Variants in LRRC4B observed in about 807,000 individuals in gnomAD.
LRRC4B encodes leucine-rich repeat-containing protein 4B.
Under a neutral mutation model 7.3 loss-of-function variants are expected in LRRC4B, and 1 was observed. The observed-to-expected ratio is 0.14, with a 90% CI of 0.05 to 0.65. The LOEUF is 0.65. Ranked by LOEUF, LRRC4B falls within the 30% of genes least tolerant of loss-of-function variation. The pLI is 0.84. For synonymous variants in LRRC4B, 500 were observed against 499.2 expected, an observed-to-expected ratio of 1.00 and a Z score of -0.02; for missense variants, 730 against 1,041.6, an observed-to-expected ratio of 0.70 and a Z score of 4.12.
In LRRC4B at chr19:50,542,446, G is replaced by T. The variant is rs376593998; in HGVS notation, c.297+6096C>A. Reference sequence around the variant, plus strand: ...TCTCAAAAAACAGTGGTGGGGCCGGGGCAGGGCCTCAGAGAATTGCTGATT... The same window carrying T: ...TCTCAAAAAACAGTGGTGGGGCCGGTGCAGGGCCTCAGAGAATTGCTGATT... On this transcript the variant is annotated intron_variant, in intron 2 of 2. Transcript: ENST00000652263. Among the ~76,000 whole-genome samples, 26 of 152,276 alleles carry T rather than the reference G, an allele frequency of 1.7e-4. 1 individual carries two copies. In the South Asian group the frequency reaches 5.4e-3, roughly 32 times the overall value.
At chr19:50,565,158 T>C (rs8111195) in intron 1 of LRRC4B, among the ~76,000 whole-genome samples, 132,518 of 152,226 alleles carry the variant, frequency 0.87, 58,815 homozygotes, top group African/African-American at 0.97. Flanking sequence ...CACACGTGCC[T>C]CCGACGCTGG....
chr19:50,546,133 G>A (rs1453048187), intron 2 of LRRC4B, among the ~76,000 whole-genome samples: 1 of 151,858 alleles, frequency 6.6e-6, no homozygotes, highest in Non-Finnish European at 1.5e-5. Context: ...TCAGGAGTTC[G>A]AGACCAGCCT....
At chr19:50,543,698 C>A (rs1442885265) in intron 2 of LRRC4B, among the ~76,000 whole-genome samples, 2 of 147,390 alleles carry the variant, frequency 1.4e-5, no homozygotes, top group Admixed American at 1.3e-4. Flanking sequence ...CTAGGAAGTA[C>A]AAAAATTAGC....
chr19:50,567,886 C>G (rs1390594553), intron 1 of LRRC4B, 58 bp downstream of exon 1: 1 of 143,138 alleles, frequency 7.0e-6, no homozygotes, highest in Non-Finnish European at 1.5e-5. Context: ...CCCACCCACC[C>G]CCCGCGGTTC....
chr19:50,543,573 C>T (rs1223502952), intron 2 of LRRC4B, among the ~76,000 whole-genome samples: 5 of 152,052 alleles, frequency 3.3e-5, no homozygotes, highest in East Asian at 1.9e-4. Flanking sequence ...ATAAGGAGGC[C>T]GGGCGCGGTG....
In LRRC4B at chr19:50,541,140, C is replaced by T. The variant is rs147662050; in HGVS notation, c.297+7402G>A. Among the ~76,000 whole-genome samples the T allele has an allele frequency of 1.8e-3, 274 of 150,518 alleles. 2 individuals carry two copies. The highest frequency in any genetic ancestry group is 6.4e-3 in the African/African-American group (263 of 40,936). ...CGGAGCTTGCAGTGAGCCGAGATGG[C>T]GCTACTGCACTCCAGCCTGGGCGAA... On this transcript the variant is annotated intron_variant, in intron 2 of 2. Coordinates refer to ENST00000652263, the MANE Select transcript of LRRC4B (RefSeq NM_001080457.2).
At position 50,556,143 on chromosome 19, in the gene LRRC4B, C is replaced by T. The variant is rs1016718903; in HGVS notation, c.-35-7270G>A. Among the ~76,000 whole-genome samples, 1 of 152,100 alleles carries T rather than the reference C, an allele frequency of 6.6e-6. No individual in the cohort carries two copies. Among genetic ancestry groups the T allele is most frequent in the Non-Finnish European group, 1.5e-5 (1 of 67,988 alleles). On this transcript the variant is annotated intron_variant, in intron 1 of 2. Coordinates refer to ENST00000652263, the MANE Select transcript of LRRC4B (RefSeq NM_001080457.2). This position sits in a 1 kb window ranked among gnomAD's most constrained non-coding sequence, Gnocchi z 4.2. ...CTTAGGGAAAGGGCAGTCCAGGCCC[C>T]CTAGGAGCTGCTGATGAGGAAGCAG...
At chr19:50,543,555 A>T (rs573517361) in intron 2 of LRRC4B, among the ~76,000 whole-genome samples, 45 of 152,076 alleles carry the variant, frequency 3.0e-4, no homozygotes, top group Non-Finnish European at 5.3e-4. Flanking sequence ...TCAACTCAGA[A>T]ATTGGAAATA....
rs768569622 is a variant in LRRC4B at position 50,519,406 on chromosome 19, T to C, written c.307A>G (p.Thr103Ala). 1 of 1,594,544 alleles carries C rather than the reference T, an allele frequency of 6.3e-7. No homozygotes were observed. The highest frequency in any genetic ancestry group is 8.5e-7 in the Non-Finnish European group (1 of 1,173,688). ...TGCCGCAGGTGCTTGAACGTGTCCG[T>C]CCGGATCACCTGGGGAGAGGGAGAC... ...LQENGIQVIR[T>A]DTFKHLRHLE... Residue 103 changes from threonine (T) to alanine (A), a missense_variant, in exon 3 of 3, where the codon ACG becomes GCG. This residue lies in a region of LRRC4B where 143 missense variants were observed against 158.4 expected (regional missense o/e 0.90). Transcript: ENST00000652263. The surrounding 1 kb of genome is among the most constrained non-coding windows in gnomAD (Gnocchi z 8.1).
intron 2 of LRRC4B, among the ~76,000 whole-genome samples, chr19:50,533,798 T>TG (rs1417290597): frequency 6.6e-6 from 1 of 152,222 alleles, no homozygotes; most frequent in Non-Finnish European, 1.5e-5. Context: ...CACATACCCC[T>TG]GCTCCCTTCA....
chr19:50,530,719 C>T (rs537656690), intron 2 of LRRC4B, among the ~76,000 whole-genome samples: 6 of 151,794 alleles, frequency 4.0e-5, no homozygotes, highest in East Asian at 1.9e-4. Flanking sequence ...TTGCAGGGCA[C>T]GTGTTGCTAG....
At chr19:50,528,367 T>C (rs944137476) in intron 2 of LRRC4B, among the ~76,000 whole-genome samples, 1 of 151,908 alleles carries the variant, frequency 6.6e-6, no homozygotes. Context: ...TTTTTTTAGA[T>C]GGAATTTCAC....
chr19:50,518,745 C>G lies in LRRC4B; in HGVS notation c.968G>C (p.Ser323Thr), dbSNP rs1335995492. The change falls in exon 3 of 3, where the codon AGC becomes ACC. Residue 323 changes from serine to threonine, a missense_variant. By Grantham distance (58) the Ser-to-Thr change is moderately conservative. Transcript: ENST00000652263. ...GGGCACCGTCTCCTTGAGCCACCAG[C>G]TCAGCCAGAGCACGTCGCAGTTGCA... Reference protein sequence around the residue: ...WHCNCDVLWLSWWLKETVPSN... With the variant: ...WHCNCDVLWLTWWLKETVPSN... 1 of 1,614,062 alleles carries G rather than the reference C, an allele frequency of 6.2e-7. No homozygotes were observed. The highest frequency in any genetic ancestry group is 2.2e-5 in the East Asian group (1 of 44,874).
intron 2 of LRRC4B, among the ~76,000 whole-genome samples, chr19:50,528,152 C>G (rs1012072048): frequency 6.6e-6 from 1 of 152,096 alleles, no homozygotes; most frequent in African/African-American, 2.4e-5. Flanking sequence ...CAGTGATTCT[C>G]CCACCTCAGC....
chr19:50,533,963 C>A (rs1443278294), intron 2 of LRRC4B, among the ~76,000 whole-genome samples: 1 of 152,208 alleles, frequency 6.6e-6, no homozygotes, highest in Non-Finnish European at 1.5e-5. Flanking sequence ...CCACCCTAAA[C>A]TGAAACAGTT....
rs1165083050 is a variant in LRRC4B, at chr19:50,568,104, C to G, written c.-196G>C. Reference sequence around the variant, plus strand: ...GAGCCTCTCGCGCTCTCCCCCCTCCCCGGCTCCTGGGTGGGGAGGGGGCTT... The same window carrying G: ...GAGCCTCTCGCGCTCTCCCCCCTCCGCGGCTCCTGGGTGGGGAGGGGGCTT... On this transcript the variant is annotated 5_prime_UTR_variant, in exon 1 of 3. Coordinates refer to ENST00000652263, the MANE Select transcript of LRRC4B (RefSeq NM_001080457.2). 1 of 151,514 alleles carries G rather than the reference C, an allele frequency of 6.6e-6. No homozygotes were observed. The highest frequency in any genetic ancestry group is 6.6e-5 in the Admixed American group (1 of 15,220). The allele number at this position is 151,514 out of a possible 1,614,324, so 9.4% of individuals were successfully genotyped here. A position where few individuals can be genotyped will look rare whatever the true frequency, so the allele number is the denominator to read the frequency against.
intron 2 of LRRC4B, among the ~76,000 whole-genome samples, chr19:50,546,500 T>C (rs1347325194): frequency 2.0e-5 from 3 of 152,074 alleles, no homozygotes; most frequent in Admixed American, 6.5e-5. Flanking sequence ...CCTCCATCCA[T>C]GTCTCTGGGT....
intron 2 of LRRC4B, among the ~76,000 whole-genome samples, chr19:50,521,253 G>A (rs959262166): frequency 6.6e-6 from 1 of 152,100 alleles, no homozygotes; most frequent in Non-Finnish European, 1.5e-5. Flanking sequence ...GCGTCTCTGC[G>A]TGTGTGGGCA....
rs1473848407 is a variant in LRRC4B at position 50,517,760 on chromosome 19, G to A, written c.1953C>T (p.Ala651=). Residue 651 remains alanine, a synonymous_variant, in exon 3 of 3, where the codon GCC becomes GCT. Transcript: ENST00000652263. This position sits in a 1 kb window ranked among gnomAD's most constrained non-coding sequence, Gnocchi z 6.6. The part of the protein sequence containing the change: ...GGGVGGDSHL[A]LPALERDHLN... ...GGTGGTCTCGCTCCAGGGCGGGCAG[G>A]GCCAGGTGGCTGTCCCCGCCCACAC... 1.4e-5 allele frequency: 22 copies of A among 1,523,662 alleles called. No individual in the cohort carries two copies. The highest frequency in any genetic ancestry group is 2.2e-5 in the Admixed American group (1 of 44,480). 94.4% of individuals were successfully genotyped at this position (1,523,662 alleles called of 1,614,324 possible).
Sources: gnomAD v4.1 joint callset for allele counts (sites outside exome capture counted in the v4.1 genomes callset) on GRCh38, gnomAD v4.1.1 for gene constraint, gnomAD v4.1.1 regional missense constraint, Gnocchi (gnomAD v3.1) non-coding constraint, MANE v1.5 for transcripts, NCBI Gene and HGNC (gene_info 2026-07-23, HGNC 2026-07-21) for gene names.